ANK3: variants seen among roughly 807,000 people sequenced by gnomAD.
ANK3 encodes the protein ankyrin 3.
Under a neutral mutation model 370.9 loss-of-function variants are expected in ANK3, and 57 were observed. That is an observed-to-expected ratio of 0.15 (90% confidence interval 0.12 to 0.19). The LOEUF (loss-of-function observed/expected upper bound fraction) is 0.19, where lower values mean the gene tolerates loss of function less well. ANK3 is among the 10% of genes least tolerant of loss of function. The probability of loss-of-function intolerance (pLI) is 1.00; values close to 1 mark genes in which losing one functional copy is unlikely to be tolerated. For missense variants in ANK3, 4,439 were observed against 5,302.1 expected (o/e 0.84, Z 5.06); for synonymous variants, 1,929 against 1,946.3 (o/e 0.99, Z 0.23).
In ANK3 at chr10:60,028,516, T is replaced by C. The variant is rs750576855; in HGVS notation, c.*1330A>G. ...TATGTGTCAATGAATGCTGATTTTA[T>C]GTGAATATAATCAACAAATTAAAGA... On this transcript the variant is annotated 3_prime_UTR_variant, in exon 44 of 44. Transcript: ENST00000280772. 1.3e-5 allele frequency: 2 copies of C among 152,680 alleles called. No homozygotes were observed. Among genetic ancestry groups the C allele is most frequent in the Non-Finnish European group, 2.9e-5 (2 of 68,044 alleles). The allele number at this position is 152,680 out of a possible 1,614,324, so 9.5% of individuals were successfully genotyped here.
Position 60,273,281 on chromosome 10 carries a change from T to C in ANK3, c.415-3052A>G, listed in dbSNP as rs534242609. Among the ~76,000 whole-genome samples, 3 of 152,332 alleles carry C rather than the reference T, an allele frequency of 2.0e-5. No individual in the cohort carries two copies. In the South Asian group the frequency reaches 6.2e-4, roughly 32 times the overall value. ...CCATCCTAAGATTATTACCTGAAAG[T>C]TGGTCATTTTCTGAACAGTTACATA... is the stretch of plus-strand genomic sequence containing the variant. On this transcript the variant is annotated intron_variant, in intron 4 of 43. Coordinates refer to ENST00000280772, the MANE Select transcript of ANK3 (RefSeq NM_020987.5).
At chr10:60,478,031 T>C (rs2075117443) in intron 2 of ANK3, among the ~76,000 whole-genome samples, 2 of 152,184 alleles carry the variant, frequency 1.3e-5, no homozygotes, top group South Asian at 2.1e-4. Flanking sequence ...TGAGACTTCC[T>C]TTTAATGAGA....
intron 2 of ANK3, among the ~76,000 whole-genome samples, chr10:60,573,555 G>A (rs1355894925): frequency 2.0e-5 from 3 of 152,112 alleles, no homozygotes; most frequent in East Asian, 1.9e-4. Flanking sequence ...CCCACTGCAC[G>A]CCATCCTGAG....
At chr10:60,043,855 T>C in intron 42 of ANK3, 1 of 974,790 alleles carries the variant, frequency 1.0e-6, no homozygotes, top group Non-Finnish European at 1.2e-6. Flanking sequence ...GACCTTATCT[T>C]TGTGAAAACT....
intron 1 of ANK3, among the ~76,000 whole-genome samples, chr10:60,686,428 C>A (rs1021400976): frequency 5.3e-5 from 8 of 152,148 alleles, no homozygotes; most frequent in African/African-American, 1.9e-4. Context: ...ATCCCTTACC[C>A]ATGCTTGTGG....
chr10:60,439,156 C>A (rs759481143), intron 2 of ANK3, among the ~76,000 whole-genome samples: 3 of 152,034 alleles, frequency 2.0e-5, no homozygotes, highest in Non-Finnish European at 4.4e-5. Flanking sequence ...TATCTAGGAG[C>A]CTTTCAAGGT....
At chr10:60,059,512 A>T in intron 40 of ANK3, 82 bp from the exon 41 acceptor site, 1 of 1,305,572 alleles carries the variant, frequency 7.7e-7, no homozygotes, top group Non-Finnish European at 1.1e-6. Flanking sequence ...ATCTCCTCAG[A>T]CTCTACTCCT....
At chr10:60,706,513 A>G (rs2079619624) in intron 1 of ANK3, among the ~76,000 whole-genome samples, 1 of 151,882 alleles carries the variant, frequency 6.6e-6, no homozygotes, top group Non-Finnish European at 1.5e-5. Flanking sequence ...CTTAGTCTGT[A>G]AGAGAGAATG....
intron 2 of ANK3, among the ~76,000 whole-genome samples, chr10:60,502,950 TAAAG>T (rs1362644085): frequency 7.0e-5 from 10 of 143,822 alleles, no homozygotes; most frequent in Non-Finnish European, 1.2e-4. Context: ...AGGAAGGAAG[TAAAG>T]AAGGAAGGAA....
intron 1 of ANK3, among the ~76,000 whole-genome samples, chr10:60,638,510 C>A (rs12265878): frequency 0.34 from 52,061 of 151,590 alleles, 9,146 homozygotes; most frequent in African/African-American, 0.39. Flanking sequence ...GATACCTAAT[C>A]AAAAATTAGC....
In ANK3 at chr10:60,475,665, A is replaced by AT. The variant is rs796957683; in HGVS notation, c.96+139520dup. Among the ~76,000 whole-genome samples, 143 of 151,898 alleles carry AT rather than the reference A, an allele frequency of 9.4e-4. 1 individual carries two copies. Among genetic ancestry groups the AT allele is most frequent in the Admixed American group, 7.0e-3 (106 of 15,232 alleles). On this transcript the variant is annotated intron_variant, in intron 2 of 43. Transcript: ENST00000373827. ...AAACCCAGTTATAAAATTTAGAGGG[A>AT]TTTTTTTTTCTCCTCAAAGGAGAGA...
chr10:60,041,304 A>C (rs2076051793), intron 43 of ANK3, among the ~76,000 whole-genome samples: 1 of 152,186 alleles, frequency 6.6e-6, no homozygotes, highest in South Asian at 2.1e-4. Flanking sequence ...CAGAATCCTT[A>C]CAGGGATGAC....
intron 1 of ANK3, among the ~76,000 whole-genome samples, chr10:60,351,034 A>ATT (rs5785440): frequency 1.6e-4 from 25 of 151,808 alleles, no homozygotes; most frequent in Non-Finnish European, 3.1e-4. Flanking sequence ...ATATTTCCTC[A>ATT]TTTTTTTAAA....
intron 7 of ANK3, among the ~76,000 whole-genome samples, chr10:60,237,329 C>A (rs1228122386): frequency 6.6e-6 from 1 of 152,122 alleles, no homozygotes; most frequent in Non-Finnish European, 1.5e-5. Context: ...AAGGAAACAC[C>A]GACCAATAGG....
Position 60,226,043 on chromosome 10 carries a change from TAG to T in ANK3, c.897+8643_897+8644del, listed in dbSNP as rs557240477. Among the ~76,000 whole-genome samples the T allele has an allele frequency of 2.3e-3, 331 of 143,546 alleles. 1 individual carries two copies. The highest frequency in any genetic ancestry group is 8.1e-3 in the African/African-American group (320 of 39,290). 94.2% of individuals were successfully genotyped at this position (143,546 alleles called of 152,430 possible). A position where few individuals can be genotyped will look rare whatever the true frequency, so the allele number is the denominator to read the frequency against. ...TGTATATCATATATATTATATATAA[TAG>T]AGAGTGTATATAGTATATATTATAT... On this transcript the variant is annotated intron_variant, in intron 8 of 43. Transcript: ENST00000280772.
chr10:60,664,169 G>A (rs2078969503), intron 1 of ANK3, among the ~76,000 whole-genome samples: 1 of 152,200 alleles, frequency 6.6e-6, no homozygotes. Context: ...ATCTGATCCA[G>A]CACTTCCAAG....
chr10:60,078,726 G>A lies in ANK3; in HGVS notation c.4432+1811C>T, dbSNP rs80347084. ...GGGGGGAAGGGGTTGGAAAGGCAGC[G>A]TGGTGAAGGAAAAGTGGCATTCACT... On this transcript the variant is annotated intron_variant, in intron 36 of 43. Transcript: ENST00000280772. Among the ~76,000 whole-genome samples, 521 of 152,258 alleles carry A rather than the reference G, an allele frequency of 3.4e-3. 5 individuals are homozygous for A. The highest frequency in any genetic ancestry group is 0.012 in the African/African-American group (489 of 41,542).
chr10:60,340,681 G>T (rs1040099370), intron 1 of ANK3, among the ~76,000 whole-genome samples: 2 of 152,058 alleles, frequency 1.3e-5, no homozygotes. Context: ...CAAAATGTTG[G>T]AATTACATGC....
chr10:60,273,735 G>A (rs1186916560), intron 4 of ANK3, among the ~76,000 whole-genome samples: 1 of 145,664 alleles, frequency 6.9e-6, no homozygotes, highest in Non-Finnish European at 1.6e-5. Flanking sequence ...ATTGAATCAT[G>A]GGGGGGGTTT....
Sources: gnomAD v4.1 joint callset for allele counts (sites outside exome capture counted in the v4.1 genomes callset) on GRCh38, gnomAD v4.1.1 for gene constraint, MANE v1.5 for transcripts, NCBI Gene and HGNC (gene_info 2026-07-23, HGNC 2026-07-21) for gene names.